Variants in ZFP1 observed in about 807,000 individuals in gnomAD.
ZFP1 encodes the protein ZFP1 zinc finger protein, also known as zinc finger protein 1 homolog.
In ZFP1, 32 loss-of-function variants were observed where a neutral mutation model predicts 38.5. The ratio of observed to expected loss-of-function variants is 0.83; its 90% CI spans 0.63 to 1.12. ZFP1 has a LOEUF of 1.12. Among genes scored for constraint, ZFP1 ranks in the 50% most tolerant of loss-of-function variants. The pLI, the probability that ZFP1 is intolerant of heterozygous loss-of-function variation, is 0.00. For synonymous variants in ZFP1, 245 were observed against 168.8 expected (o/e 1.45, Z -3.50); for missense variants, 616 against 480.8 (o/e 1.28, Z -2.63).
At chr16:75,129,653 T>C in the ZFP1 span, among the ~76,000 whole-genome samples, 1 of 152,312 alleles carries the variant, frequency 6.6e-6, no homozygotes, top group African/African-American at 2.4e-5. Flanking sequence ...TCATCTGACA[T>C]ATGTTGATTG....
At chr16:75,133,449 C>A in the ZFP1 span, among the ~76,000 whole-genome samples, 3 of 152,272 alleles carry the variant, frequency 2.0e-5, no homozygotes, top group Admixed American at 2.0e-4. Flanking sequence ...TAGACCCCAG[C>A]ATCTGTTGTT....
At chr16:75,161,292 C>G (rs1001674118) in intron 2 of ZFP1, among the ~76,000 whole-genome samples, 4 of 152,026 alleles carry the variant, frequency 2.6e-5, no homozygotes, top group East Asian at 1.9e-4. Flanking sequence ...TGGTCTCGAA[C>G]TCCTGGCTAC....
intron 2 of ZFP1, among the ~76,000 whole-genome samples, chr16:75,154,048 C>T (rs1057485848): frequency 1.3e-5 from 2 of 152,064 alleles, no homozygotes; most frequent in African/African-American, 4.8e-5. Flanking sequence ...GAAACCCCGT[C>T]TCTAGTAAAA....
At chr16:75,148,490 G>A (rs1194944206), upstream of ZFP1, 3 of 152,280 alleles carry the variant, frequency 2.0e-5, no homozygotes, top group East Asian at 3.9e-4. Flanking sequence ...CCCTGTTTCT[G>A]CGCATGTGCA....
chr16:75,127,462 A>C, the ZFP1 span, among the ~76,000 whole-genome samples: 2 of 152,182 alleles, frequency 1.3e-5, no homozygotes, highest in African/African-American at 2.4e-5. Context: ...CTGGGACTGC[A>C]GGCATGTACC....
chr16:75,136,843 C>T, the ZFP1 span, among the ~76,000 whole-genome samples: 3 of 151,850 alleles, frequency 2.0e-5, no homozygotes, highest in Non-Finnish European at 4.4e-5. Flanking sequence ...TGTGCTCCAG[C>T]CTGGGCAACA....
At chr16:75,165,100 C>G (rs1336558724) in intron 2 of ZFP1, among the ~76,000 whole-genome samples, 1 of 152,034 alleles carries the variant, frequency 6.6e-6, no homozygotes, top group Non-Finnish European at 1.5e-5. Context: ...CCATCGCGCC[C>G]GGCCTCCATA....
the ZFP1 span, among the ~76,000 whole-genome samples, chr16:75,126,571 T>C: frequency 6.6e-6 from 1 of 152,152 alleles, no homozygotes; most frequent in South Asian, 2.1e-4. Context: ...ACCAGGCTAA[T>C]TTTTGTATTT....
the ZFP1 span, among the ~76,000 whole-genome samples, chr16:75,138,460 G>C: frequency 0.074 from 11,272 of 152,196 alleles, 1,403 homozygotes; most frequent in African/African-American, 0.26. Flanking sequence ...GATCAAGGTC[G>C]ATATTAACAC....
chr16:75,131,265 T>A, the ZFP1 span, among the ~76,000 whole-genome samples: 2 of 151,918 alleles, frequency 1.3e-5, no homozygotes, highest in Non-Finnish European at 2.9e-5. Flanking sequence ...TGGGATGGGG[T>A]TGGGCAGTGG....
chr16:75,146,231 C>T (rs1279853753), upstream of ZFP1, among the ~76,000 whole-genome samples: 1 of 151,146 alleles, frequency 6.6e-6, no homozygotes, highest in Admixed American at 6.6e-5. Flanking sequence ...GGTGCAATCT[C>T]GGCTCACTGC....
the ZFP1 span, among the ~76,000 whole-genome samples, chr16:75,128,711 C>A: frequency 6.6e-6 from 1 of 152,300 alleles, no homozygotes; most frequent in Non-Finnish European, 1.5e-5. Flanking sequence ...GCCCTGTGAA[C>A]TGAAGCTGGA....
intron 1 of ZFP1, among the ~76,000 whole-genome samples, chr16:75,149,704 G>T (rs1453919163): frequency 6.6e-6 from 1 of 151,672 alleles, no homozygotes; most frequent in Non-Finnish European, 1.5e-5. Context: ...GATTACAGGC[G>T]TGAGCCACCG....
chr16:75,162,760 C>G (rs997263405), intron 2 of ZFP1, among the ~76,000 whole-genome samples: 2 of 152,130 alleles, frequency 1.3e-5, no homozygotes, highest in East Asian at 1.9e-4. Flanking sequence ...AGGATATGCG[C>G]TATTTGGATT....
intron 1 of ZFP1, 135 bp from the exon 2 acceptor site, chr16:75,152,774 G>A (rs1364613854): frequency 1.4e-6 from 1 of 692,026 alleles, no homozygotes; most frequent in Non-Finnish European, 2.4e-6. Flanking sequence ...TGCCCCTTCT[G>A]AAGAGGCAAA....
At chr16:75,126,821 C>A in the ZFP1 span, among the ~76,000 whole-genome samples, 8 of 152,092 alleles carry the variant, frequency 5.3e-5, no homozygotes, top group Non-Finnish European at 8.8e-5. Context: ...TTTTTCTGAC[C>A]TAACTAGTCT....
At chr16:75,144,278 C>T (rs1239940677), upstream of ZFP1, 1 of 152,072 alleles carries the variant, frequency 6.6e-6, no homozygotes, top group Non-Finnish European at 1.5e-5. Flanking sequence ...TTAAAATATG[C>T]ATAGTTTTTT....
At chr16:75,156,566 G>A (rs2037481764) in intron 2 of ZFP1, among the ~76,000 whole-genome samples, 1 of 152,238 alleles carries the variant, frequency 6.6e-6, no homozygotes, top group Non-Finnish European at 1.5e-5. Context: ...ACTTTCCTGA[G>A]AGTTTACAGA....
upstream of ZFP1, among the ~76,000 whole-genome samples, chr16:75,144,682 G>A (rs1484961818): frequency 2.0e-5 from 3 of 152,102 alleles, no homozygotes; most frequent in South Asian, 2.1e-4. Flanking sequence ...ACGCTATACC[G>A]TTTAAGCACT....
Sources: gnomAD v4.1 joint callset for allele counts (sites outside exome capture counted in the v4.1 genomes callset) on GRCh38, gnomAD v4.1.1 for gene constraint, MANE v1.5 for transcripts, NCBI Gene and HGNC (gene_info 2026-07-23, HGNC 2026-07-21) for gene names.